Variants in JAK1 observed in about 807,000 individuals in gnomAD.
JAK1 encodes Janus kinase 1, also known as tyrosine-protein kinase JAK1.
In JAK1, 16 loss-of-function variants were observed where a neutral mutation model predicts 136.6. The observed-to-expected ratio is 0.12, with a 90% CI of 0.08 to 0.18. The LOEUF is 0.18. JAK1 is among the 10% of genes least tolerant of loss of function. The pLI, the probability that JAK1 is intolerant of heterozygous loss-of-function variation, is 1.00. For missense variants in JAK1, 859 were observed against 1,450.1 expected, an observed-to-expected ratio of 0.59 and a Z score of 6.62; for synonymous variants, 492 against 519.5, an observed-to-expected ratio of 0.95 and a Z score of 0.72.
At chr1:64,927,725 G>A (rs1208632307) in intron 1 of JAK1, among the ~76,000 whole-genome samples, 9 of 152,212 alleles carry the variant, frequency 5.9e-5, no homozygotes, top group African/African-American at 2.2e-4. Context: ...TTTGGTCAAC[G>A]ATGAGTATCG....
chr1:64,976,061 G>A (rs1646495461), intron 2 of JAK1, among the ~76,000 whole-genome samples: 1 of 152,188 alleles, frequency 6.6e-6, no homozygotes, highest in South Asian at 2.1e-4. Flanking sequence ...AGTTCCCATT[G>A]GGTCACTGGG....
chr1:64,836,042 GATGGACACATTTTAAATGGGT>G (rs1654460139), intron 23 of JAK1, 35 bp downstream of exon 23: 2 of 912,430 alleles, frequency 2.2e-6, no homozygotes, highest in Admixed American at 3.8e-5. Context: ...CAAGCAGAGG[GATGGACACATTTTAAATGGGT>G]ACTGGATTCA....
intron 2 of JAK1, among the ~76,000 whole-genome samples, chr1:64,998,647 C>T (rs1646725673): frequency 1.3e-5 from 2 of 152,154 alleles, no homozygotes. Context: ...GGGAGGAACC[C>T]AGTGATAATT....
intron 1 of JAK1, among the ~76,000 whole-genome samples, chr1:64,907,336 G>A (rs2100242657): frequency 6.6e-6 from 1 of 152,186 alleles, no homozygotes; most frequent in East Asian, 1.9e-4. Context: ...TTCTGAAAGA[G>A]AGAATAACAT....
At chr1:64,953,807 G>A (rs776701167) in intron 1 of JAK1, among the ~76,000 whole-genome samples, 3 of 152,022 alleles carry the variant, frequency 2.0e-5, no homozygotes, top group Admixed American at 6.6e-5. Flanking sequence ...TTACAGGTGC[G>A]TGCTGCCACG....
At chr1:65,043,700 ATTTTTTTTTT>A (rs112982943) in intron 2 of JAK1, among the ~76,000 whole-genome samples, 58 of 101,260 alleles carry the variant, frequency 5.7e-4, no homozygotes, top group Admixed American at 1.3e-3. Context: ...CACCTGGCTA[ATTTTTTTTTT>A]TTTTTTTTTT....
intron 1 of JAK1, among the ~76,000 whole-genome samples, chr1:64,896,728 G>A (rs1159692521): frequency 6.6e-6 from 1 of 152,138 alleles, no homozygotes; most frequent in African/African-American, 2.4e-5. Flanking sequence ...GCCAAACACA[G>A]GACACACCCG....
intron 1 of JAK1, among the ~76,000 whole-genome samples, chr1:64,937,941 G>A (rs971120492): frequency 2.6e-5 from 4 of 151,844 alleles, no homozygotes; most frequent in Middle Eastern, 3.4e-3. Flanking sequence ...GTGCAGTGGC[G>A]CGATCTCGGC....
chr1:64,982,805 TAAAAC>T (rs146278902), intron 2 of JAK1, among the ~76,000 whole-genome samples: 2,958 of 152,204 alleles, frequency 0.019, 120 homozygotes, highest in African/African-American at 0.068. Context: ...ATTTTTATCT[TAAAAC>T]AAAGAAGCAC....
At chr1:65,066,093 C>T (rs966551231) in intron 1 of JAK1, among the ~76,000 whole-genome samples, 1 of 152,154 alleles carries the variant, frequency 6.6e-6, no homozygotes, top group African/African-American at 2.4e-5. Flanking sequence ...CCCTGGAGAG[C>T]AGGGGATTCC....
intron 1 of JAK1, among the ~76,000 whole-genome samples, chr1:65,062,440 A>G (rs1428210446): frequency 6.6e-6 from 1 of 152,210 alleles, no homozygotes; most frequent in Non-Finnish European, 1.5e-5. Flanking sequence ...CAGCACTGCC[A>G]TTTGAAAATG....
chr1:64,933,198 G>T (rs11208545), intron 1 of JAK1, among the ~76,000 whole-genome samples: 36,645 of 152,014 alleles, frequency 0.24, 5,717 homozygotes, highest in East Asian at 0.53. Context: ...AAGGTACAAA[G>T]AAGTTAGGTT....
At chr1:64,884,742 GC>G (rs1644826691) in intron 2 of JAK1, among the ~76,000 whole-genome samples, 1 of 151,990 alleles carries the variant, frequency 6.6e-6, no homozygotes, top group African/African-American at 2.4e-5. Flanking sequence ...CTCAGATATC[GC>G]CTCCTGCAGG....
At chr1:64,840,505 A>G (rs76374917) in intron 19 of JAK1, among the ~76,000 whole-genome samples, 1 of 152,294 alleles carries the variant, frequency 6.6e-6, no homozygotes, top group East Asian at 1.9e-4. Flanking sequence ...CTGACACTCT[A>G]TTTTGGGATT....
chr1:64,846,701 G>T lies in JAK1; in HGVS notation c.1935C>A (p.Val645=). Reference sequence around the variant, plus strand: ...AGAGGTACACGATGTGTTTGTGGGAGACCTGTCTCATCATGCTGGCTGCCT... The same window carrying T: ...AGAGGTACACGATGTGTTTGTGGGATACCTGTCTCATCATGCTGGCTGCCT... The part of the protein sequence containing the change: ...FFEAASMMRQ[V]SHKHIVYLYG... The change falls in exon 14 of 25, where the codon GTC becomes GTA. Residue 645 remains valine (V), a synonymous_variant. Coordinates refer to ENST00000342505, the MANE Select transcript of JAK1 (RefSeq NM_002227.4). 2 of 1,614,114 alleles carry T rather than the reference G, an allele frequency of 1.2e-6. No individual in the cohort carries two copies. Among genetic ancestry groups the T allele is most frequent in the Non-Finnish European group, 1.7e-6 (2 of 1,179,998 alleles).
chr1:64,948,153 G>C (rs548595493), intron 1 of JAK1, among the ~76,000 whole-genome samples: 1 of 152,232 alleles, frequency 6.6e-6, no homozygotes, highest in Admixed American at 6.5e-5. Flanking sequence ...GGTTGCCTTG[G>C]TTTGGTTCCC....
At position 64,860,236 on chromosome 1, in the gene JAK1, C is replaced by A. The variant is rs927461592; in HGVS notation, c.1203G>T (p.Glu401Asp). Residue 401 changes from glutamate to aspartate, a missense_variant, in exon 9 of 25, where the codon GAG (glutamate) becomes GAT (aspartate). By Grantham distance (45) the Glu-to-Asp change is conservative. Transcript: ENST00000342505. Reference sequence around the variant, plus strand: ...CTACCAGGGACACAAAGGACAAGGCCTCCTCGTGGGAAGAGAGCTTCAGTT... The same window carrying A: ...CTACCAGGGACACAAAGGACAAGGCATCCTCGTGGGAAGAGAGCTTCAGTT... Reference protein sequence around the residue: ...KMELKLSSHEEALSFVSLVDG... With the variant: ...KMELKLSSHEDALSFVSLVDG... 1.9e-6 allele frequency: 3 copies of A among 1,607,412 alleles called. No individual in the cohort carries two copies. The highest frequency in any genetic ancestry group is 2.6e-6 in the Non-Finnish European group (3 of 1,175,590).
upstream of JAK1, among the ~76,000 whole-genome samples, chr1:64,969,830 G>C (rs1012045814): frequency 6.6e-6 from 1 of 152,142 alleles, no homozygotes; most frequent in African/African-American, 2.4e-5. Context: ...TGTTTGAGAA[G>C]AGGAAAGTTT....
rs948082837 is a variant in JAK1 at position 64,864,997 on chromosome 1, G to C, written c.991-25C>G. The C allele has an allele frequency of 5.7e-6, 9 of 1,574,766 alleles. No individual in the cohort carries two copies. In the African/African-American group the frequency reaches 6.8e-5, roughly 12 times the overall value. ...CCTGATAAGATACATAAAAGGGACA[G>C]GGTTAAGTTGCTTTCTTCATTTTCT... On this transcript the variant is annotated intron_variant, in intron 7 of 24. Coordinates refer to ENST00000342505, the MANE Select transcript of JAK1 (RefSeq NM_002227.4).
Sources: gnomAD v4.1 joint callset for allele counts (sites outside exome capture counted in the v4.1 genomes callset) on GRCh38, gnomAD v4.1.1 for gene constraint, MANE v1.5 for transcripts, NCBI Gene and HGNC (gene_info 2026-07-23, HGNC 2026-07-21) for gene names.